The following NTN1 variants were observed in gnomAD, a reference collection of about 807,000 sequenced individuals.
NTN1 encodes netrin-1.
In NTN1, 11 loss-of-function variants were observed where a neutral mutation model predicts 54.2. That is an observed-to-expected ratio of 0.20 (90% CI 0.13 to 0.34). NTN1 has a LOEUF of 0.34. NTN1 is among the 10% of genes least tolerant of loss of function. The pLI is 1.00. For synonymous variants in NTN1, 371 were observed against 382.0 expected (o/e 0.97, Z 0.33); for missense variants, 740 against 893.1 (o/e 0.83, Z 2.18).
chr17:9,122,996 G>C (rs2092236041), intron 2 of NTN1, among the ~76,000 whole-genome samples: 1 of 152,008 alleles, frequency 6.6e-6, no homozygotes, highest in African/African-American at 2.4e-5. Flanking sequence ...AGCTTTGTTG[G>C]GCTGAGTGCT....
chr17:9,168,324 G>A (rs963118146), intron 3 of NTN1, among the ~76,000 whole-genome samples: 32 of 152,316 alleles, frequency 2.1e-4, no homozygotes, highest in Admixed American at 4.6e-4. Context: ...CCTGAGGTCA[G>A]GAGTTTGAGA....
chr17:9,144,877 C>G (rs1166418355), intron 2 of NTN1, among the ~76,000 whole-genome samples: 2 of 152,338 alleles, frequency 1.3e-5, no homozygotes, highest in East Asian at 1.9e-4. Flanking sequence ...GACCAGTGTC[C>G]CTGCCTCCTC....
chr17:9,055,015 C>T (rs2091974683), intron 2 of NTN1, among the ~76,000 whole-genome samples: 1 of 152,174 alleles, frequency 6.6e-6, no homozygotes, highest in South Asian at 2.1e-4. Context: ...GCCCTCTTGG[C>T]AGCTCCTTGG....
rs369701831 is a variant in NTN1, at chr17:9,194,489, T to C, written c.1411+11520T>C. Among the ~76,000 whole-genome samples the C allele has an allele frequency of 2.6e-5, 4 of 152,160 alleles. No homozygotes were observed. The East Asian group carries it at 5.8e-4, about 22-fold the overall frequency. The stretch of plus-strand genomic sequence containing the variant: ...GAAACGGAAAGACATTCAGCAGTTA[T>C]TTCAGGTGTTTAAACCGTGGGATTC... On this transcript the variant is annotated intron_variant, in intron 5 of 6. Coordinates refer to ENST00000173229, the MANE Select transcript of NTN1 (RefSeq NM_004822.3).
intron 5 of NTN1, among the ~76,000 whole-genome samples, chr17:9,184,692 C>T (rs141850960): frequency 8.1e-4 from 123 of 152,306 alleles, no homozygotes; most frequent in African/African-American, 2.8e-3. Flanking sequence ...TTTCTCTAGT[C>T]CTTGTAGCTT....
upstream of NTN1, among the ~76,000 whole-genome samples, chr17:9,017,240 A>G (rs2151504540): frequency 6.6e-6 from 1 of 152,074 alleles, no homozygotes; most frequent in East Asian, 1.9e-4. Flanking sequence ...CTTTCCTGCC[A>G]CTTATATTCA....
At chr17:9,166,444 C>T (rs566822191) in intron 3 of NTN1, among the ~76,000 whole-genome samples, 3 of 148,836 alleles carry the variant, frequency 2.0e-5, no homozygotes, top group South Asian at 2.1e-4. Flanking sequence ...CAGGTTCAAG[C>T]GATTCTCCTG....
At chr17:9,058,264 G>C (rs2091985310) in intron 2 of NTN1, among the ~76,000 whole-genome samples, 1 of 152,196 alleles carries the variant, frequency 6.6e-6, no homozygotes, top group Admixed American at 6.5e-5. Context: ...TTCTGTTGTG[G>C]TGAATTCTGA....
chr17:9,010,975 A>G, the NTN1 span, among the ~76,000 whole-genome samples: 1,139 of 152,150 alleles, frequency 7.5e-3, 7 homozygotes, highest in Non-Finnish European at 0.01. Flanking sequence ...TTTTGCAACT[A>G]GATGGTCCTA....
intron 2 of NTN1, among the ~76,000 whole-genome samples, chr17:9,069,419 A>G (rs1037482638): frequency 6.6e-6 from 1 of 152,212 alleles, no homozygotes; most frequent in Non-Finnish European, 1.5e-5. Context: ...AAGAATGAAC[A>G]TTTTCTCATT....
intron 2 of NTN1, among the ~76,000 whole-genome samples, chr17:9,074,609 TG>T (rs1039973643): frequency 6.6e-5 from 10 of 152,206 alleles, no homozygotes; most frequent in Non-Finnish European, 5.9e-5. Context: ...AGGAGCCACC[TG>T]GGGAGGTGAA....
At chr17:9,119,228 C>G (rs574582873) in intron 2 of NTN1, among the ~76,000 whole-genome samples, 183 of 152,136 alleles carry the variant, frequency 1.2e-3, no homozygotes, top group African/African-American at 4.0e-3. Flanking sequence ...ACTCTTGTTC[C>G]TCAGGCTGGA....
chr17:9,167,991 A>T (rs570370921), intron 3 of NTN1, among the ~76,000 whole-genome samples: 1 of 152,240 alleles, frequency 6.6e-6, no homozygotes, highest in South Asian at 2.1e-4. Flanking sequence ...ATGGGTCCAG[A>T]TGCGATCTGG....
intron 2 of NTN1, among the ~76,000 whole-genome samples, chr17:9,115,675 C>A (rs932465356): frequency 1.3e-5 from 2 of 152,258 alleles, no homozygotes; most frequent in South Asian, 2.1e-4. Context: ...CTCATCCTTC[C>A]CCCCCGGGGC....
chr17:9,100,039 TC>T (rs1271793260), intron 2 of NTN1, among the ~76,000 whole-genome samples: 1 of 151,284 alleles, frequency 6.6e-6, no homozygotes, highest in Non-Finnish European at 1.5e-5. Context: ...GTCTTGAACT[TC>T]TGAGCTCAAA....
chr17:9,125,874 T>TA (rs1156365544), intron 2 of NTN1, among the ~76,000 whole-genome samples: 1 of 152,250 alleles, frequency 6.6e-6, no homozygotes, highest in African/African-American at 2.4e-5. Flanking sequence ...TACCATCACT[T>TA]ACTGTGCTGG....
intron 2 of NTN1, among the ~76,000 whole-genome samples, chr17:9,089,823 A>T (rs1270100154): frequency 6.6e-6 from 1 of 151,944 alleles, no homozygotes; most frequent in East Asian, 1.9e-4. Flanking sequence ...CTCTTTTACA[A>T]CCTGGCTCCT....
At chr17:9,055,781 G>A (rs1434768917) in intron 2 of NTN1, among the ~76,000 whole-genome samples, 1 of 152,170 alleles carries the variant, frequency 6.6e-6, no homozygotes, top group Non-Finnish European at 1.5e-5. Context: ...GAGTGCGGTG[G>A]GGCAGTCATG....
intron 6 of NTN1, among the ~76,000 whole-genome samples, chr17:9,229,128 G>T (rs1905718910): frequency 6.7e-6 from 1 of 149,436 alleles, no homozygotes; most frequent in South Asian, 2.1e-4. Context: ...CTGTGTTACT[G>T]TGAGTGTGTG....
Sources: allele counts gnomAD v4.1 joint callset (sites outside exome capture counted in the v4.1 genomes callset), GRCh38; gene constraint gnomAD v4.1.1; transcripts MANE v1.5; gene names NCBI Gene and HGNC (gene_info 2026-07-23, HGNC 2026-07-21).